Variants in DHX36 observed in about 807,000 individuals in gnomAD.
DHX36 encodes ATP-dependent DNA/RNA helicase DHX36.
Under a neutral mutation model 139.0 loss-of-function variants are expected in DHX36, and 50 were observed. That is an observed-to-expected ratio of 0.36 (90% CI 0.29 to 0.46). DHX36 has a LOEUF of 0.46. Among genes scored for constraint, DHX36 ranks in the 20% least tolerant of loss-of-function variants. The pLI is 1.00. For missense variants in DHX36, 1,024 were observed against 1,211.3 expected (o/e 0.85, Z 2.29); for synonymous variants, 425 against 401.9 (o/e 1.06, Z -0.69).
chr3:154,291,508 CCTGATAA>C lies in DHX36; in HGVS notation c.1814+1036_1814+1042del, dbSNP rs555411653. ...TTCTGGGTCCCTTATCAAGTTATTC[CCTGATAA>C]CTGATTATTAGGAGGGTATACTTCT... On this transcript the variant is annotated intron_variant, in intron 15 of 24. Coordinates refer to ENST00000496811, the MANE Select transcript of DHX36 (RefSeq NM_020865.3). 1.5e-3 allele frequency among the ~76,000 whole-genome samples: 228 copies of C among 152,174 alleles called. 1 individual carries two copies. The highest frequency in any genetic ancestry group is 5.4e-3 in the African/African-American group (224 of 41,528).
intron 15 of DHX36, 123 bp downstream of exon 15, chr3:154,292,428 C>T: frequency 7.5e-7 from 1 of 1,336,580 alleles, no homozygotes; most frequent in South Asian, 1.3e-5. Flanking sequence ...AAATGTTTTG[C>T]AATAAGCTCA....
Position 154,316,120 on chromosome 3 carries a change from A to C in DHX36, c.287T>G (p.Val96Gly). 1.2e-6 allele frequency: 2 copies of C among 1,613,352 alleles called. No individual in the cohort carries two copies. The highest frequency in any genetic ancestry group is 3.3e-4 in the Middle Eastern group (2 of 6,058). Reference protein sequence around the residue: ...HMDERREEQIVQLLNSVQAKN... With the variant: ...HMDERREEQIGQLLNSVQAKN... ...CGCTTGAACAGAATTCAGTAACTGT[A>C]CAATTTGTTCTTCTCGTCGTTCATC... is the stretch of plus-strand genomic sequence containing the variant. Residue 96 changes from valine (V) to glycine (G), a missense_variant, in exon 2 of 25, where the codon GTA (valine) becomes GGA (glycine). Around this residue, in one of 4 missense-constraint regions of DHX36, gnomAD observed 293 missense variants for 274.4 expected, o/e 1.07. Transcript: ENST00000496811.
chr3:154,302,412 G>A (rs1399137825), intron 9 of DHX36, among the ~76,000 whole-genome samples: 1 of 152,120 alleles, frequency 6.6e-6, no homozygotes, highest in Admixed American at 6.6e-5. Context: ...AAAGTATGCT[G>A]GGCAAGACAC....
At position 154,277,635 on chromosome 3, in the gene DHX36, T is replaced by C. The variant is rs372465114; in HGVS notation, c.2651A>G (p.Asn884Ser). The C allele has an allele frequency of 3.9e-5, 63 of 1,612,176 alleles. No individual in the cohort carries two copies. In the African/African-American group the frequency reaches 4.9e-4, roughly 13 times the overall value. The change falls in exon 23 of 25, where the codon AAC becomes AGC. Residue 884 changes from asparagine to serine, a missense_variant. Around this residue, in one of 4 missense-constraint regions of DHX36, gnomAD observed 470 missense variants for 616.2 expected, o/e 0.76. Coordinates refer to ENST00000496811, the MANE Select transcript of DHX36 (RefSeq NM_020865.3). ...VNVEQTDFHY[N>S]WLIYHLKMRT... is the part of the protein sequence containing the mutation. ...CATCTTTAGGTGATAGATAAGCCAG[T>C]TGTAGTGAAAGTCTGTTTGCTCCAC...
At chr3:154,323,340 A>C (rs769084126) in intron 1 of DHX36, among the ~76,000 whole-genome samples, 47 of 152,216 alleles carry the variant, frequency 3.1e-4, no homozygotes, top group Non-Finnish European at 5.9e-4. Context: ...GTCTTAAAAA[A>C]AAAAAAAGTT....
Position 154,292,726 on chromosome 3 carries a change from A to AACACACACACAC in DHX36, c.1671-44_1671-33dup, listed in dbSNP as rs58416816. The AACACACACACAC allele has an allele frequency of 7.5e-5, 114 of 1,517,250 alleles. No homozygotes were observed. In the African/African-American group the frequency reaches 1.5e-3, roughly 20 times the overall value. The allele number at this position is 1,517,250 out of a possible 1,614,324, so 94.0% of individuals were successfully genotyped here. ...GGAAAACAGATATATAAAATGTTAAAACACACACACACACACACACACACA... is the reference window on the plus strand; with the variant it reads ...GGAAAACAGATATATAAAATGTTAAAACACACACACACACACACACACACACACACACACACA... On this transcript the variant is annotated intron_variant, in intron 14 of 24. Transcript: ENST00000496811.
chr3:154,282,401 G>T (rs1719358206), intron 20 of DHX36, among the ~76,000 whole-genome samples: 1 of 151,852 alleles, frequency 6.6e-6, no homozygotes, highest in South Asian at 2.1e-4. Context: ...TGTTTTCTTA[G>T]CTCAGGTGTC....
chr3:154,324,227 T>G lies in DHX36; in HGVS notation c.190A>C (p.Met64Leu), dbSNP rs761165750. Residue 64 changes from methionine to leucine, a missense_variant, in exon 1 of 25, where the codon ATG becomes CTG. Around this residue, in one of 4 missense-constraint regions of DHX36, gnomAD observed 293 missense variants for 274.4 expected, o/e 1.07. Coordinates refer to ENST00000496811, the MANE Select transcript of DHX36 (RefSeq NM_020865.3). The stretch of plus-strand genomic sequence containing the variant: ...TGCCCCTGTTTTTTCGCGTACCACA[T>G]GCCGATTTCGCGGCCTTTCAGGTGC... The part of the protein sequence containing the change: ...PGHLKGREIG[M>L]WYAKKQGQKN... 1.7e-5 allele frequency: 28 copies of G among 1,613,464 alleles called. No homozygotes were observed. The highest frequency in any genetic ancestry group is 2.2e-5 in the East Asian group (1 of 44,870).
At position 154,276,212 on chromosome 3, in the gene DHX36, T is replaced by C. The variant is rs372847714; in HGVS notation, c.2986A>G (p.Arg996Gly). ...TCCTGGAATCGTGGCGGAAAGTTCCTGGGAGTTGCCTTTTCCTGTGTTTTG... is the reference window on the plus strand; with the variant it reads ...TCCTGGAATCGTGGCGGAAAGTTCCCGGGAGTTGCCTTTTCCTGTGTTTTG... ...LIKTQEKATP[R>G]NFPPRFQDGY... Residue 996 changes from arginine (R) to glycine (G), a missense_variant, in exon 25 of 25, where the codon AGG becomes GGG. Coordinates refer to ENST00000496811, the MANE Select transcript of DHX36 (RefSeq NM_020865.3). 13 of 1,613,080 alleles carry C rather than the reference T, an allele frequency of 8.1e-6. No homozygotes were observed. The African/African-American group carries it at 1.6e-4, about 20-fold the overall frequency.
chr3:154,301,347 C>T (rs1263370986), intron 9 of DHX36, among the ~76,000 whole-genome samples: 1 of 151,984 alleles, frequency 6.6e-6, no homozygotes, highest in Non-Finnish European at 1.5e-5. Context: ...GTATATAAAC[C>T]TATAGATCAT....
chr3:154,296,437 G>A (rs1416234332), intron 12 of DHX36, among the ~76,000 whole-genome samples: 1 of 152,106 alleles, frequency 6.6e-6, no homozygotes, highest in African/African-American at 2.4e-5. Context: ...TCGCGCCACT[G>A]CACTCCAGCC....
intron 9 of DHX36, among the ~76,000 whole-genome samples, chr3:154,302,700 G>GA (rs946840442): frequency 6.6e-6 from 1 of 152,188 alleles, no homozygotes; most frequent in Non-Finnish European, 1.5e-5. Context: ...AAAGGAAAGT[G>GA]AAAATCAGGC....
chr3:154,288,543 A>C (rs1711650731), intron 17 of DHX36, among the ~76,000 whole-genome samples: 2 of 152,260 alleles, frequency 1.3e-5, no homozygotes, highest in Non-Finnish European at 2.9e-5. Context: ...ATTTAGCTGC[A>C]TATTTGTTTT....
rs1711707974 is a variant in DHX36 at position 154,289,739 on chromosome 3, A to T, written c.1902T>A (p.Thr634=). The change falls in exon 16 of 25, where the codon ACT becomes ACA. Residue 634 remains threonine (T), a synonymous_variant. Coordinates refer to ENST00000496811, the MANE Select transcript of DHX36 (RefSeq NM_020865.3). ...TTTGTAAACAAAGTTCTTCCAAAGG[A>T]GTTCTCAAAATTTCTGGCAGTTGAT... The part of the protein sequence containing the change: ...DDYQLPEILR[T]PLEELCLQIK... 6.2e-7 allele frequency: 1 copy of T among 1,611,518 alleles called. No individual in the cohort carries two copies. The highest frequency in any genetic ancestry group is 8.5e-7 in the Non-Finnish European group (1 of 1,178,024).
intron 1 of DHX36, among the ~76,000 whole-genome samples, chr3:154,323,326 C>T (rs1216140117): frequency 6.6e-6 from 1 of 151,420 alleles, no homozygotes; most frequent in East Asian, 1.9e-4. Context: ...CAGAGTGAGA[C>T]CCTGTCTTAA....
At position 154,273,381 on chromosome 3, in the gene DHX36, T is replaced by A. The variant is rs1447254864; in HGVS notation, c.*2790A>T. Reference sequence around the variant, plus strand: ...TAATTCCTCAGGAACATTTTCCCCATTCATATGGGAATTACATACTGGTTT... The same window carrying A: ...TAATTCCTCAGGAACATTTTCCCCAATCATATGGGAATTACATACTGGTTT... On this transcript the variant is annotated 3_prime_UTR_variant, in exon 25 of 25. Transcript: ENST00000496811. The A allele has an allele frequency of 6.6e-6, 1 of 152,210 alleles. No individual in the cohort carries two copies. The highest frequency in any genetic ancestry group is 1.5e-5 in the Non-Finnish European group (1 of 68,032). 9.4% of individuals were successfully genotyped at this position (152,210 alleles called of 1,614,324 possible).
chr3:154,293,344 T>C lies in DHX36; in HGVS notation c.1670+404A>G, dbSNP rs112561200. Among the ~76,000 whole-genome samples, 1,150 of 151,922 alleles carry C rather than the reference T, an allele frequency of 7.6e-3. 9 individuals are homozygous for C. The highest frequency in any genetic ancestry group is 0.026 in the African/African-American group (1,097 of 41,408). On this transcript the variant is annotated intron_variant, in intron 14 of 24. Coordinates refer to ENST00000496811, the MANE Select transcript of DHX36 (RefSeq NM_020865.3). ...CCTGTCATCCCAGCACTTTGGGAGGTTGAGGTAATAGGATCATTTTGAGCC... is the reference window on the plus strand; with the variant it reads ...CCTGTCATCCCAGCACTTTGGGAGGCTGAGGTAATAGGATCATTTTGAGCC...
At chr3:154,304,017 T>C (rs1712405045) in intron 8 of DHX36, among the ~76,000 whole-genome samples, 1 of 152,190 alleles carries the variant, frequency 6.6e-6, no homozygotes, top group African/African-American at 2.4e-5. Flanking sequence ...CTACCCATGA[T>C]GTGCACACAT....
intron 12 of DHX36, among the ~76,000 whole-genome samples, chr3:154,296,450 G>C (rs1712053605): frequency 6.6e-6 from 1 of 152,140 alleles, no homozygotes; most frequent in Non-Finnish European, 1.5e-5. Context: ...CTCCAGCCTA[G>C]GTGACAGAGC....
Sources: gnomAD v4.1 joint callset for allele counts (sites outside exome capture counted in the v4.1 genomes callset) on GRCh38, gnomAD v4.1.1 for gene constraint, gnomAD v4.1.1 regional missense constraint, MANE v1.5 for transcripts, NCBI Gene and HGNC (gene_info 2026-07-23, HGNC 2026-07-21) for gene names.